The following RGL1 variants were observed in gnomAD, a reference collection of about 807,000 sequenced individuals.
RGL1 encodes ral guanine nucleotide dissociation stimulator like 1.
In RGL1, 24 loss-of-function variants were observed where a neutral mutation model predicts 95.2. The ratio of observed to expected loss-of-function variants is 0.25; its 90% CI spans 0.18 to 0.35. RGL1 has a LOEUF of 0.35. RGL1 is among the 10% of genes least tolerant of loss of function. The pLI is 1.00. For missense variants in RGL1, 715 were observed against 936.3 expected, an observed-to-expected ratio of 0.76 and a Z score of 3.08; for synonymous variants, 329 against 344.9, an observed-to-expected ratio of 0.95 and a Z score of 0.51.
At chr1:183,861,605 C>T (rs1572517043) in intron 3 of RGL1, among the ~76,000 whole-genome samples, 1 of 152,040 alleles carries the variant, frequency 6.6e-6, no homozygotes, top group East Asian at 1.9e-4. Flanking sequence ...TTTCTTTTGC[C>T]TTGTGATAAC....
At chr1:183,825,239 A>C (rs945301920) in intron 2 of RGL1, among the ~76,000 whole-genome samples, 3 of 152,206 alleles carry the variant, frequency 2.0e-5, no homozygotes, top group Non-Finnish European at 2.9e-5. Context: ...GGATTAGAAG[A>C]GATTTGGGAT....
At chr1:183,731,456 T>A (rs10752917) in intron 1 of RGL1, among the ~76,000 whole-genome samples, 67,856 of 151,652 alleles carry the variant, frequency 0.45, 16,461 homozygotes, top group East Asian at 0.8. Flanking sequence ...TAGAAGAAAC[T>A]GACTCTCAGC....
chr1:183,868,663 A>G (rs1665979742), intron 4 of RGL1, among the ~76,000 whole-genome samples: 1 of 152,246 alleles, frequency 6.6e-6, no homozygotes, highest in Non-Finnish European at 1.5e-5. Flanking sequence ...TTTGGAGCAT[A>G]TACAAAAGGA....
chr1:183,798,015 G>A (rs1050140056), intron 2 of RGL1, among the ~76,000 whole-genome samples: 7 of 152,242 alleles, frequency 4.6e-5, no homozygotes, highest in African/African-American at 1.2e-4. Flanking sequence ...TATTGCAAAA[G>A]GGCAATTATC....
At chr1:183,883,953 A>G (rs764237832) in intron 6 of RGL1, 43 bp downstream of exon 6, 1 of 1,605,626 alleles carries the variant, frequency 6.2e-7, no homozygotes, top group Non-Finnish European at 8.5e-7. Context: ...CACTTAAAAC[A>G]TAGGGGAGTG....
chr1:183,793,811 G>A (rs988585810), intron 2 of RGL1, among the ~76,000 whole-genome samples: 1 of 151,996 alleles, frequency 6.6e-6, no homozygotes, highest in African/African-American at 2.4e-5. Context: ...TGTAAATTAG[G>A]ATAACCATTA....
At chr1:183,657,315 GT>G (rs1651241649) in intron 1 of RGL1, among the ~76,000 whole-genome samples, 1 of 151,842 alleles carries the variant, frequency 6.6e-6, no homozygotes, top group Non-Finnish European at 1.5e-5. Flanking sequence ...TATACTTTAA[GT>G]TTTAGGGTAC....
At chr1:183,772,468 A>G (rs16828990) in intron 2 of RGL1, among the ~76,000 whole-genome samples, 3,118 of 152,286 alleles carry the variant, frequency 0.02, 94 homozygotes, top group African/African-American at 0.069. Flanking sequence ...ACATTTTTTA[A>G]ATTTTTCCTT....
At chr1:183,685,435 A>G (rs1419128840) in intron 1 of RGL1, among the ~76,000 whole-genome samples, 1 of 152,216 alleles carries the variant, frequency 6.6e-6, no homozygotes, top group Non-Finnish European at 1.5e-5. Context: ...TTGGGTTTAT[A>G]TAATCAGAGG....
intron 17 of RGL1, among the ~76,000 whole-genome samples, chr1:183,925,540 T>TA (rs1669565586): frequency 7.2e-6 from 1 of 139,080 alleles, no homozygotes; most frequent in Non-Finnish European, 1.6e-5. Flanking sequence ...AAACTTAAAG[T>TA]AAAATTTTTT....
intron 4 of RGL1, among the ~76,000 whole-genome samples, chr1:183,867,949 GT>G (rs1220696806): frequency 6.6e-6 from 1 of 152,192 alleles, no homozygotes; most frequent in East Asian, 1.9e-4. Context: ...TAGTTTTACA[GT>G]TTTGTTCAGT....
upstream of RGL1, among the ~76,000 whole-genome samples, chr1:183,802,336 G>A (rs2102404497): frequency 2.0e-5 from 3 of 152,194 alleles, no homozygotes; most frequent in Admixed American, 2.0e-4. Context: ...TTTGATTACT[G>A]TGGCTTTGTA....
intron 2 of RGL1, among the ~76,000 whole-genome samples, chr1:183,767,113 G>A (rs376124726): frequency 4.0e-5 from 6 of 151,648 alleles, no homozygotes; most frequent in South Asian, 4.2e-4. Context: ...CCAGCTACTC[G>A]GGAGGCTGCA....
At chr1:183,868,519 A>G (rs1368751974) in intron 4 of RGL1, among the ~76,000 whole-genome samples, 2 of 152,098 alleles carry the variant, frequency 1.3e-5, no homozygotes, top group Non-Finnish European at 2.9e-5. Flanking sequence ...ACTCAGACCT[A>G]ATGGATTAGA....
chr1:183,645,924 C>T (rs970654468), intron 1 of RGL1, among the ~76,000 whole-genome samples: 8 of 152,220 alleles, frequency 5.3e-5, no homozygotes, highest in Non-Finnish European at 5.9e-5. Context: ...CTGCCAAAGG[C>T]ACTTTCTTTC....
At position 183,892,678 on chromosome 1, in the gene RGL1, T is replaced by G. The variant is rs1165926685; in HGVS notation, c.1140+517T>G. Among the ~76,000 whole-genome samples, 4 of 152,246 alleles carry G rather than the reference T, an allele frequency of 2.6e-5. No individual in the cohort carries two copies. The South Asian group carries it at 8.3e-4, about 32-fold the overall frequency. Reference sequence around the variant, plus strand: ...AGTTCATTTTATGTCTCCAGACATTTGTTGAATGCCTAATATTTGTAAAGC... The same window carrying G: ...AGTTCATTTTATGTCTCCAGACATTGGTTGAATGCCTAATATTTGTAAAGC... On this transcript the variant is annotated intron_variant, in intron 9 of 17. Coordinates refer to ENST00000360851, the MANE Select transcript of RGL1 (RefSeq NM_001297671.3).
At chr1:183,841,363 A>G (rs1331748426) in intron 2 of RGL1, among the ~76,000 whole-genome samples, 2 of 152,250 alleles carry the variant, frequency 1.3e-5, no homozygotes, top group East Asian at 3.8e-4. Context: ...CTCTGAAATT[A>G]AAATTTCACT....
At chr1:183,802,427 C>T (rs564180683), upstream of RGL1, among the ~76,000 whole-genome samples, 6 of 152,142 alleles carry the variant, frequency 3.9e-5, no homozygotes, top group South Asian at 4.2e-4. Context: ...CAGGATCCTT[C>T]GTAGTTCCAT....
chr1:183,708,095 T>C (rs1572307783), intron 1 of RGL1, among the ~76,000 whole-genome samples: 1 of 152,204 alleles, frequency 6.6e-6, no homozygotes, highest in Non-Finnish European at 1.5e-5. Flanking sequence ...GGACCTGTTA[T>C]GTAATTCGTA....
Sources: allele counts gnomAD v4.1 joint callset (sites outside exome capture counted in the v4.1 genomes callset), GRCh38; gene constraint gnomAD v4.1.1; transcripts MANE v1.5; gene names NCBI Gene and HGNC (gene_info 2026-07-23, HGNC 2026-07-21).